The following BCO2 variants were observed in gnomAD, a reference collection of about 807,000 sequenced individuals.
BCO2 encodes the protein carotenoid-cleaving dioxygenase, mitochondrial.
In BCO2, 56 loss-of-function variants were observed where a neutral mutation model predicts 65.8. The observed-to-expected ratio is 0.85, with a 90% CI of 0.69 to 1.06. BCO2 has a LOEUF of 1.06. Ranked by LOEUF, BCO2 falls within the 50% of genes least tolerant of loss-of-function variation. BCO2 has a pLI of 0.00. For synonymous variants in BCO2, 233 were observed against 242.3 expected (o/e 0.96, Z 0.36); for missense variants, 675 against 698.5 (o/e 0.97, Z 0.38).
rs142996860 is a variant in BCO2 at position 112,200,615 on chromosome 11, A to G, written c.868A>G (p.Met290Val). 97 of 1,596,562 alleles carry G rather than the reference A, an allele frequency of 6.1e-5. No homozygotes were observed. In the African/African-American group the frequency reaches 1.3e-3, roughly 21 times the overall value. Reference protein sequence around the residue: ...GKPSYYHSFGMTRNYIIFIEQ... With the variant: ...GKPSYYHSFGVTRNYIIFIEQ... The stretch of plus-strand genomic sequence containing the variant: ...TATTGTTTGCTGGAACCTTTTAGGA[A>G]TGACAAGGAACTATATAATTTTCAT... The change falls in exon 7 of 12, where the codon ATG becomes GTG. Residue 290 changes from methionine to valine, a missense_variant and splice_region_variant. By Grantham distance (21) the Met-to-Val change is conservative (BLOSUM62 1). Transcript: ENST00000357685.
intron 1 of BCO2, among the ~76,000 whole-genome samples, chr11:112,176,754 A>T (rs1299325928): frequency 6.6e-6 from 1 of 152,216 alleles, no homozygotes; most frequent in Non-Finnish European, 1.5e-5. Context: ...AGACATAAAC[A>T]GGAAGTATTA....
Position 112,214,800 on chromosome 11 carries a change from AG to A in BCO2, c.1372del (p.Glu458LysfsTer32). 6.2e-7 allele frequency: 1 copy of A among 1,613,940 alleles called. No homozygotes were observed. Among genetic ancestry groups the A allele is most frequent in the Non-Finnish European group, 8.5e-7 (1 of 1,179,790 alleles). On this transcript the variant is annotated frameshift_variant, in exon 10 of 12. Coordinates refer to ENST00000357685, the MANE Select transcript of BCO2 (RefSeq NM_031938.7). LOFTEE classifies it high-confidence loss of function. Reference protein sequence around the residue: ...SHENLHQEDLEKEGGIEFPQI... With the variant: ...SHENLHQEDLXKEGGIEFPQI... ...ATGAAAATCTACATCAGGAGGACCT[AG>A]AAAAGGAAGGAGGCATTGAATTTCC... is the stretch of plus-strand genomic sequence containing the variant.
At chr11:112,192,179 A>C (rs973866728) in intron 2 of BCO2, among the ~76,000 whole-genome samples, 1 of 152,234 alleles carries the variant, frequency 6.6e-6, no homozygotes, top group African/African-American at 2.4e-5. Context: ...GGAATCATAC[A>C]GCATTTGTCT....
chr11:112,218,467 C>A lies in BCO2; in HGVS notation c.*593C>A. The A allele has an allele frequency of 4.0e-6, 1 of 249,484 alleles. No individual in the cohort carries two copies. The highest frequency in any genetic ancestry group is 3.6e-5 in the Admixed American group (1 of 27,666). 15.5% of individuals were successfully genotyped at this position (249,484 alleles called of 1,614,324 possible). ...CAAAGCGTTAGACAAGCACCAAGCCCACTTTTGTCTGCCTGCACCCAACTG... is the reference window on the plus strand; with the variant it reads ...CAAAGCGTTAGACAAGCACCAAGCCAACTTTTGTCTGCCTGCACCCAACTG... On this transcript the variant is annotated 3_prime_UTR_variant, in exon 12 of 12. Transcript: ENST00000357685.
chr11:112,210,441 G>T lies in BCO2; in HGVS notation c.1195-3283G>T, dbSNP rs1405910356. Among the ~76,000 whole-genome samples, 4 of 152,308 alleles carry T rather than the reference G, an allele frequency of 2.6e-5. No individual in the cohort carries two copies. In the East Asian group the frequency reaches 7.7e-4, roughly 29 times the overall value. On this transcript the variant is annotated intron_variant, in intron 8 of 11. Coordinates refer to ENST00000357685, the MANE Select transcript of BCO2 (RefSeq NM_031938.7). The stretch of plus-strand genomic sequence containing the variant: ...TAATTTGAAGCAGGATTCAGTCCAT[G>T]CAAGAGCTGGACTATTTCTTGTTTA...
At chr11:112,217,407 G>C (rs1859711188) in intron 11 of BCO2, among the ~76,000 whole-genome samples, 1 of 152,172 alleles carries the variant, frequency 6.6e-6, no homozygotes, top group African/African-American at 2.4e-5. Context: ...CTGTCACCCA[G>C]GTTGGAGTGC....
Position 112,194,738 on chromosome 11 carries a change from A to C in BCO2, c.719A>C (p.Asn240Thr). 2 of 1,606,414 alleles carry C rather than the reference A, an allele frequency of 1.2e-6. No individual in the cohort carries two copies. Among genetic ancestry groups the C allele is most frequent in the African/African-American group, 1.3e-5 (1 of 74,778 alleles). ...GATGGAACAGCATACAATATGGGGA[A>C]CTCCTTTGGGCCATATGGTAAAGTT... ...DLDGTAYNMGNSFGPYGFSYK... is the reference protein window; with the variant it reads ...DLDGTAYNMGTSFGPYGFSYK... The change falls in exon 5 of 12, where the codon AAC becomes ACC. Residue 240 changes from asparagine (N) to threonine (T), a missense_variant. Coordinates refer to ENST00000357685, the MANE Select transcript of BCO2 (RefSeq NM_031938.7).
intron 2 of BCO2, chr11:112,179,860 G>C (rs1251196070): frequency 4.2e-6 from 1 of 237,244 alleles, no homozygotes; most frequent in Non-Finnish European, 8.5e-6. Flanking sequence ...CCTCAAACTG[G>C]GCACAGTTGT....
At chr11:112,178,160 C>A (rs981002625) in intron 1 of BCO2, among the ~76,000 whole-genome samples, 1 of 151,930 alleles carries the variant, frequency 6.6e-6, no homozygotes, top group Non-Finnish European at 1.5e-5. Flanking sequence ...GGTGATCCAC[C>A]TGCCTTGGCC....
intron 2 of BCO2, among the ~76,000 whole-genome samples, chr11:112,182,351 G>A (rs1218917423): frequency 2.0e-5 from 3 of 152,160 alleles, no homozygotes; most frequent in Non-Finnish European, 4.4e-5. Flanking sequence ...CCATTACTGG[G>A]CATATACCCA....
intron 2 of BCO2, chr11:112,183,259 T>G: frequency 1.4e-6 from 1 of 731,334 alleles, no homozygotes; most frequent in Admixed American, 2.0e-5. Flanking sequence ...TCTTTCTCCA[T>G]CCACTCAGTT....
chr11:112,192,925 GTTTTT>G (rs71060229), intron 2 of BCO2, among the ~76,000 whole-genome samples: 10 of 36,670 alleles, frequency 2.7e-4, no homozygotes, highest in Admixed American at 1.2e-3. Context: ...AAAATGTGAG[GTTTTT>G]TTTTTTTTTT....
intron 1 of BCO2, chr11:112,176,028 A>AT (rs948965826): frequency 1.0e-5 from 2 of 200,010 alleles, no homozygotes; most frequent in African/African-American, 4.6e-5. Context: ...TTCTAATGTA[A>AT]TTGTTTGGTT....
intron 7 of BCO2, 62 bp from the exon 8 acceptor site, chr11:112,201,961 G>C: frequency 1.4e-6 from 2 of 1,430,730 alleles, no homozygotes; most frequent in Non-Finnish European, 1.9e-6. Context: ...GTTTCCTAAA[G>C]GAAAGGGAAA....
At chr11:112,210,575 C>T (rs1056360039) in intron 8 of BCO2, among the ~76,000 whole-genome samples, 1 of 152,090 alleles carries the variant, frequency 6.6e-6, no homozygotes, top group Admixed American at 6.6e-5. Context: ...GTCACTCTAG[C>T]CCTCAAAACT....
At chr11:112,214,181 C>T (rs1267648927) in intron 9 of BCO2, among the ~76,000 whole-genome samples, 1 of 151,902 alleles carries the variant, frequency 6.6e-6, no homozygotes, top group Admixed American at 6.6e-5. Context: ...GAGTCTTGCT[C>T]TGGCGCCCAG....
intron 11 of BCO2, 27 bp downstream of exon 11, chr11:112,216,357 A>G (rs771566652): frequency 3.2e-6 from 5 of 1,544,992 alleles, no homozygotes; most frequent in South Asian, 1.1e-5. Flanking sequence ...ATCACCAGTC[A>G]GAAAGAAAAG....
chr11:112,200,900 C>T, intron 7 of BCO2, 127 bp downstream of exon 7: 2 of 992,488 alleles, frequency 2.0e-6, no homozygotes, highest in African/African-American at 1.7e-5. Flanking sequence ...AGGATATTAC[C>T]TTCTTCTATA....
At chr11:112,196,492 T>G (rs910448145) in intron 5 of BCO2, among the ~76,000 whole-genome samples, 17 of 152,248 alleles carry the variant, frequency 1.1e-4, no homozygotes, top group African/African-American at 4.1e-4. Context: ...GTAAAAATCC[T>G]GTAAACATTA....
Sources: gnomAD v4.1 joint callset for allele counts (sites outside exome capture counted in the v4.1 genomes callset) on GRCh38, gnomAD v4.1.1 for gene constraint, MANE v1.5 for transcripts, NCBI Gene and HGNC (gene_info 2026-07-23, HGNC 2026-07-21) for gene names.